Variants in CALB1 observed in about 807,000 individuals in gnomAD.
CALB1 encodes calbindin 1, also known as calbindin.
A neutral mutation model predicts 46.7 loss-of-function variants in CALB1; 16 were observed. The observed-to-expected ratio is 0.34, with a 90% confidence interval of 0.23 to 0.52. The LOEUF is 0.52. Ranked by LOEUF, CALB1 falls within the 20% of genes least tolerant of loss-of-function variation. CALB1 has a pLI of 0.95. For missense variants in CALB1, 224 were observed against 300.3 expected, an observed-to-expected ratio of 0.75 and a Z score of 1.88; for synonymous variants, 90 against 112.8, an observed-to-expected ratio of 0.80 and a Z score of 1.28.
rs201621763 is a variant in CALB1, at chr8:90,082,635, G to T, written c.63C>A (p.Leu21=). 3 of 1,613,916 alleles carry T rather than the reference G, an allele frequency of 1.9e-6. No individual in the cohort carries two copies. The highest frequency in any genetic ancestry group is 2.5e-6 in the Non-Finnish European group (3 of 1,179,780). ...ITASQFFEIW[L]HFDADGSGYL... is the part of the protein sequence containing the mutation. ...GATAATCACCGTCAGCGTCGAAATG[G>T]AGCCAGATCTCGAAAAACTGTGAGG... Residue 21 remains leucine, a synonymous_variant, in exon 1 of 11, where the codon CTC becomes CTA. Transcript: ENST00000265431.
In CALB1 at chr8:90,082,100, T is replaced by C. The variant is rs1416502164; in HGVS notation, c.82A>G (p.Ser28Gly). The change falls in exon 2 of 11, where the codon AGT (serine) becomes GGT (glycine). Residue 28 changes from serine (S) to glycine (G), a missense_variant and splice_region_variant. Coordinates refer to ENST00000265431, the MANE Select transcript of CALB1 (RefSeq NM_004929.4). ...EIWLHFDADG[S>G]GYLEGKELQN... ...AGCTCCTTTCCTTCCAGGTAACCAC[T>C]TCCTGCAAAGACAAAGAGGCACCCA... 1 of 1,613,808 alleles carries C rather than the reference T, an allele frequency of 6.2e-7. No homozygotes were observed. Among genetic ancestry groups the C allele is most frequent in the South Asian group, 1.1e-5 (1 of 91,052 alleles).
intron 3 of CALB1, among the ~76,000 whole-genome samples, chr8:90,073,451 C>T (rs1814568920): frequency 6.6e-6 from 1 of 152,146 alleles, no homozygotes; most frequent in African/African-American, 2.4e-5. Context: ...AAGGGTCATC[C>T]CAGCTTCAGA....
chr8:90,067,804 G>A (rs1029643702), intron 5 of CALB1, among the ~76,000 whole-genome samples: 3 of 152,110 alleles, frequency 2.0e-5, no homozygotes, highest in African/African-American at 7.2e-5. Flanking sequence ...GATATTCTAG[G>A]TACAAATCCA....
At chr8:90,064,872 A>C (rs1023015843) in intron 6 of CALB1, among the ~76,000 whole-genome samples, 3 of 151,850 alleles carry the variant, frequency 2.0e-5, no homozygotes, top group African/African-American at 7.2e-5. Flanking sequence ...GTAAAGTTCT[A>C]GTAGTTCCCC....
intron 3 of CALB1, among the ~76,000 whole-genome samples, chr8:90,076,116 T>A (rs1814619078): frequency 6.6e-6 from 1 of 152,092 alleles, no homozygotes; most frequent in African/African-American, 2.4e-5. Flanking sequence ...TTTGTCTCCC[T>A]TTAAATTATT....
chr8:90,071,950 T>C (rs1814528266), intron 3 of CALB1, among the ~76,000 whole-genome samples: 1 of 152,200 alleles, frequency 6.6e-6, no homozygotes, highest in African/African-American at 2.4e-5. Flanking sequence ...ATGCCCAGCA[T>C]GGTATCTAGC....
intron 3 of CALB1, among the ~76,000 whole-genome samples, chr8:90,071,825 G>A (rs922081251): frequency 3.3e-5 from 5 of 151,990 alleles, no homozygotes; most frequent in Non-Finnish European, 7.4e-5. Flanking sequence ...ACCCCAACTC[G>A]TCCTTTATTT....
intron 9 of CALB1, chr8:90,062,290 T>C (rs1206623931): frequency 1.3e-5 from 2 of 151,998 alleles, no homozygotes; most frequent in South Asian, 2.1e-4. Context: ...AGCAATGATA[T>C]TGTGGATATG....
chr8:90,059,417 G>A lies in CALB1; in HGVS notation c.*756C>T, dbSNP rs1814255016. On this transcript the variant is annotated 3_prime_UTR_variant, in exon 11 of 11. Coordinates refer to ENST00000265431, the MANE Select transcript of CALB1 (RefSeq NM_004929.4). The stretch of plus-strand genomic sequence containing the variant: ...TTTAATCAGAGATTACACAGAGTAT[G>A]ACATAAAACAGCAGTTGACTAGAAT... The A allele has an allele frequency of 6.6e-6, 1 of 152,584 alleles. No homozygotes were observed. The highest frequency in any genetic ancestry group is 1.5e-5 in the Non-Finnish European group (1 of 68,036). 9.5% of individuals were successfully genotyped at this position (152,584 alleles called of 1,614,324 possible).
At chr8:90,072,788 C>T (rs1814556028) in intron 3 of CALB1, among the ~76,000 whole-genome samples, 1 of 152,094 alleles carries the variant, frequency 6.6e-6, no homozygotes, top group African/African-American at 2.4e-5. Flanking sequence ...TAGAAGTATC[C>T]AATACTTCTT....
intron 6 of CALB1, among the ~76,000 whole-genome samples, chr8:90,065,305 T>C (rs915130884): frequency 2.0e-5 from 3 of 151,736 alleles, no homozygotes; most frequent in African/African-American, 7.2e-5. Flanking sequence ...CATTCTATAA[T>C]TGATCTTAGT....
At chr8:90,069,283 A>G in intron 3 of CALB1, 46 bp from the exon 4 acceptor site, 1 of 1,461,692 alleles carries the variant, frequency 6.8e-7, no homozygotes, top group Non-Finnish European at 9.6e-7. Flanking sequence ...AGTTGCTCAA[A>G]AACAAGTCTC....
chr8:90,064,912 A>T (rs927764651), intron 6 of CALB1, among the ~76,000 whole-genome samples: 1 of 151,870 alleles, frequency 6.6e-6, no homozygotes, highest in African/African-American at 2.4e-5. Flanking sequence ...GTAAGCTGAG[A>T]TGCTGAAAGC....
intron 3 of CALB1, among the ~76,000 whole-genome samples, chr8:90,069,485 C>T (rs1814461587): frequency 6.6e-6 from 1 of 152,164 alleles, no homozygotes; most frequent in African/African-American, 2.4e-5. Context: ...GACCTGTGCT[C>T]AGGTAGAACT....
chr8:90,074,495 C>T (rs189619342), intron 3 of CALB1, among the ~76,000 whole-genome samples: 5 of 152,090 alleles, frequency 3.3e-5, no homozygotes, highest in African/African-American at 4.8e-5. Flanking sequence ...CATTAAAATC[C>T]TCAATCAAAA....
chr8:90,078,414 G>T lies in CALB1; in HGVS notation c.190C>A (p.Gln64Lys). 6.3e-7 allele frequency: 1 copy of T among 1,594,392 alleles called. No homozygotes were observed. Among genetic ancestry groups the T allele is most frequent in the Non-Finnish European group, 8.6e-7 (1 of 1,167,680 alleles). The change falls in exon 3 of 11, where the codon CAG becomes AAG. Residue 64 changes from glutamine (Q) to lysine (K), a missense_variant. By Grantham distance (53) the Gln-to-Lys change is moderately conservative. Coordinates refer to ENST00000265431, the MANE Select transcript of CALB1 (RefSeq NM_004929.4). ...LSPEMKTFVD[Q>K]YGQRDDGKIG... is the part of the protein sequence containing the mutation. ...TTTCCATCATCTCTTTGCCCATACTGATCCACAAAAGTTTTCATTTCAGGT... is the reference window on the plus strand; with the variant it reads ...TTTCCATCATCTCTTTGCCCATACTTATCCACAAAAGTTTTCATTTCAGGT...
At chr8:90,069,975 T>TC (rs1491376782) in intron 3 of CALB1, among the ~76,000 whole-genome samples, 10 of 128,950 alleles carry the variant, frequency 7.8e-5, no homozygotes, top group African/African-American at 3.3e-4. Context: ...TCCTCCTCTC[T>TC]TTTTTTTTTT....
intron 3 of CALB1, among the ~76,000 whole-genome samples, chr8:90,072,069 C>T (rs1013406241): frequency 2.6e-5 from 4 of 152,072 alleles, no homozygotes; most frequent in African/African-American, 9.7e-5. Context: ...CATCATAATT[C>T]TCTATTTTGT....
At chr8:90,066,193 C>T (rs1466848471) in intron 5 of CALB1, among the ~76,000 whole-genome samples, 2 of 151,900 alleles carry the variant, frequency 1.3e-5, no homozygotes, top group Admixed American at 1.3e-4. Flanking sequence ...GGAATAATAC[C>T]TGCTTTTTAC....
Sources: gnomAD v4.1 joint callset for allele counts (sites outside exome capture counted in the v4.1 genomes callset) on GRCh38, gnomAD v4.1.1 for gene constraint, MANE v1.5 for transcripts, NCBI Gene and HGNC (gene_info 2026-07-23, HGNC 2026-07-21) for gene names.